HDAC5: variants seen among roughly 807,000 people sequenced by gnomAD.
HDAC5 encodes the protein antigen NY-CO-9.
Under a neutral mutation model 133.3 loss-of-function variants are expected in HDAC5, and 25 were observed. That is an observed-to-expected ratio of 0.19 (90% CI 0.14 to 0.26). The LOEUF is 0.26. Ranked by LOEUF, HDAC5 falls within the 10% of genes least tolerant of loss-of-function variation. The pLI is 1.00. For missense variants in HDAC5, 1,041 were observed against 1,460.5 expected, an observed-to-expected ratio of 0.71 and a Z score of 4.68; for synonymous variants, 589 against 610.8, an observed-to-expected ratio of 0.96 and a Z score of 0.53.
rs772351446 is a variant in HDAC5 at position 44,084,607 on chromosome 17, G to C, written c.2253C>G (p.Leu751=). ...QTVHSEYHTL[L]YGTSPLNRQK... The stretch of plus-strand genomic sequence containing the variant: ...GCCGGTTGAGGGGACTGGTCCCATA[G>C]AGCAGGGTGTGGTATTCAGAGTGCA... The change falls in exon 16 of 27, where the codon CTC becomes CTG. Residue 751 remains leucine, a synonymous_variant. Transcript: ENST00000682912. 3.7e-6 allele frequency: 6 copies of C among 1,614,186 alleles called. No individual in the cohort carries two copies. Among genetic ancestry groups the C allele is most frequent in the Non-Finnish European group, 5.1e-6 (6 of 1,180,028 alleles).
chr17:44,081,221 T>A (rs971868440), intron 20 of HDAC5, among the ~76,000 whole-genome samples: 2 of 152,030 alleles, frequency 1.3e-5, no homozygotes, highest in African/African-American at 4.8e-5. Context: ...TTAAGGCTAG[T>A]AGGGAATTTA....
At chr17:44,095,131 G>A (rs1487688826) in intron 3 of HDAC5, among the ~76,000 whole-genome samples, 1 of 152,042 alleles carries the variant, frequency 6.6e-6, no homozygotes, top group East Asian at 1.9e-4. Context: ...CAACATCTCT[G>A]GGCATTTTAC....
intron 3 of HDAC5, among the ~76,000 whole-genome samples, chr17:44,104,395 G>C (rs1338974180): frequency 1.3e-5 from 2 of 152,172 alleles, no homozygotes; most frequent in Non-Finnish European, 2.9e-5. Flanking sequence ...CAACTTCACA[G>C]ACCACCTGGA....
chr17:44,086,504 T>A, intron 14 of HDAC5, 68 bp downstream of exon 14: 1 of 1,227,888 alleles, frequency 8.1e-7, no homozygotes, highest in Non-Finnish European at 1.0e-6. Flanking sequence ...CCCCCTGCCA[T>A]GGGGCAGACA....
intron 3 of HDAC5, among the ~76,000 whole-genome samples, chr17:44,108,853 G>A (rs1485881136): frequency 6.6e-6 from 1 of 151,664 alleles, no homozygotes; most frequent in Non-Finnish European, 1.5e-5. Flanking sequence ...GAGCTGCGCA[G>A]GGGGAACATT....
intron 18 of HDAC5, 55 bp downstream of exon 18, chr17:44,083,490 C>A (rs764835517): frequency 1.3e-4 from 173 of 1,298,552 alleles, no homozygotes; most frequent in Non-Finnish European, 1.8e-4. Flanking sequence ...CTGTCCTCTG[C>A]CTCTGAGGAG....
chr17:44,093,930 C>T (rs1348964587), intron 3 of HDAC5, 96 bp from the exon 4 acceptor site: 1 of 1,392,822 alleles, frequency 7.2e-7, no homozygotes, highest in African/African-American at 1.5e-5. Flanking sequence ...TTCTAGGAGA[C>T]CCAAAGAGAA....
In HDAC5 at chr17:44,086,607, G is replaced by T; in HGVS notation, c.2015C>A (p.Pro672His). ...SPAAPGGMKS[P>H]PDQPVKHLFT... ...GAGGTGCTTGACGGGCTGGTCTGGG[G>T]GGCTCTTCATGCCCCCAGGGGCAGC... The change falls in exon 14 of 27, where the codon CCC becomes CAC. Residue 672 changes from proline to histidine, a missense_variant. Pro to His is a moderately conservative substitution (Grantham distance 77). Around this residue, in one of 9 missense-constraint regions of HDAC5, gnomAD observed 433 missense variants for 531.6 expected, o/e 0.81. Coordinates refer to ENST00000682912, the MANE Select transcript of HDAC5 (RefSeq NM_005474.5). 2.3e-6 allele frequency: 3 copies of T among 1,304,508 alleles called. No homozygotes were observed. Among genetic ancestry groups the T allele is most frequent in the Non-Finnish European group, 2.0e-6 (2 of 1,018,790 alleles). 80.8% of individuals were successfully genotyped at this position (1,304,508 alleles called of 1,614,324 possible).
Position 44,078,526 on chromosome 17 carries a change from AGCCTG to A in HDAC5, c.3298_3302del (p.Gln1100CysfsTer35). 6.2e-7 allele frequency: 1 copy of A among 1,611,212 alleles called. No individual in the cohort carries two copies. The highest frequency in any genetic ancestry group is 8.5e-7 in the Non-Finnish European group (1 of 1,178,966). Reference sequence around the variant, plus strand: ...TGGGGCTGTGTTCCCGGGCTGCCGCAGCCTGGGCCTGCTCGGCCCCCACCGACAGC... The same window carrying A: ...TGGGGCTGTGTTCCCGGGCTGCCGCAGGCCTGCTCGGCCCCCACCGACAGC... On this transcript the variant is annotated frameshift_variant, in exon 26 of 27. Transcript: ENST00000682912. LOFTEE classifies it high-confidence loss of function.
At chr17:44,088,710 C>T in intron 11 of HDAC5, 112 bp from the exon 12 acceptor site, 1 of 1,446,126 alleles carries the variant, frequency 6.9e-7, no homozygotes. Context: ...CACCTATATA[C>T]TCAGGAAAAA....
At position 44,080,808 on chromosome 17, in the gene HDAC5, G is replaced by C. The variant is rs1288708061; in HGVS notation, c.2682C>G (p.Arg894=). Residue 894 remains arginine (R), a synonymous_variant, in exon 21 of 27, where the codon CGC becomes CGG. Transcript: ENST00000682912. ...CTGGAAAGAAGTTCCCGTTGTCATA[G>C]CGATGCAGAGAGATGTAGAGCACAG... ...DPSVLYISLH[R]YDNGNFFPGS... is the part of the protein sequence containing the mutation. The C allele has an allele frequency of 6.2e-7, 1 of 1,614,102 alleles. No homozygotes were observed. The highest frequency in any genetic ancestry group is 1.3e-5 in the African/African-American group (1 of 74,930).
intron 3 of HDAC5, among the ~76,000 whole-genome samples, chr17:44,109,430 G>A (rs958485407): frequency 2.6e-5 from 4 of 152,114 alleles, no homozygotes; most frequent in African/African-American, 7.2e-5. Flanking sequence ...TTGTAGAGCC[G>A]GTTCCCAAGG....
intron 1 of HDAC5, 113 bp downstream of exon 1, chr17:44,123,391 G>T (rs985302126): frequency 5.9e-6 from 2 of 341,858 alleles, no homozygotes; most frequent in South Asian, 1.4e-4. Context: ...GGGGGGCGCG[G>T]AGCGCGGCGC....
Position 44,078,917 on chromosome 17 carries a change from T to C in HDAC5, c.3079-38A>G, listed in dbSNP as rs372356531. On this transcript the variant is annotated intron_variant, in intron 24 of 26. Transcript: ENST00000682912. ...AGAAGAGAAGGCTTAGGGTGGGGAGTAGGGTTGCCATGCATACCCCTCTAA... is the reference window on the plus strand; with the variant it reads ...AGAAGAGAAGGCTTAGGGTGGGGAGCAGGGTTGCCATGCATACCCCTCTAA... 670 of 1,605,156 alleles carry C rather than the reference T, an allele frequency of 4.2e-4. 1 individual carries two copies. The highest frequency in any genetic ancestry group is 4.2e-4 in the Non-Finnish European group (490 of 1,172,492).
At chr17:44,122,228 T>C (rs1191486311) in intron 1 of HDAC5, among the ~76,000 whole-genome samples, 1 of 151,994 alleles carries the variant, frequency 6.6e-6, no homozygotes, top group African/African-American at 2.4e-5. Flanking sequence ...CTGGGGAGAC[T>C]GAAGACCATG....
Position 44,110,746 on chromosome 17 carries a change from T to C in HDAC5, c.77A>G (p.His26Arg). The change falls in exon 3 of 27, where the codon CAC (histidine) becomes CGC (arginine). Residue 26 changes from histidine (H) to arginine (R), a missense_variant. By Grantham distance (29) the His-to-Arg change is conservative (BLOSUM62 0). Around this residue, in one of 9 missense-constraint regions of HDAC5, gnomAD observed 93 missense variants for 98.8 expected, o/e 0.94. Coordinates refer to ENST00000682912, the MANE Select transcript of HDAC5 (RefSeq NM_005474.5). ...GCACTTACCTGTCACAGGGATGCTG[T>C]GCAGAGAAGTCCGCGGCAGGATTTC... ...SLEILPRTSLHSIPVTVEVKP... is the reference protein window; with the variant it reads ...SLEILPRTSLRSIPVTVEVKP... The C allele has an allele frequency of 6.2e-7, 1 of 1,613,864 alleles. No homozygotes were observed. The highest frequency in any genetic ancestry group is 8.5e-7 in the Non-Finnish European group (1 of 1,179,870).
In HDAC5 at chr17:44,110,731, G is replaced by T; in HGVS notation, c.92C>A (p.Thr31Lys). The T allele has an allele frequency of 6.2e-7, 1 of 1,613,366 alleles. No homozygotes were observed. The highest frequency in any genetic ancestry group is 8.5e-7 in the Non-Finnish European group (1 of 1,179,544). The part of the protein sequence containing the change: ...PRTSLHSIPV[T>K]VEVKPVLPRA... Reference sequence around the variant, plus strand: ...GGCAGGGACATCAAGGCACTTACCTGTCACAGGGATGCTGTGCAGAGAAGT... The same window carrying T: ...GGCAGGGACATCAAGGCACTTACCTTTCACAGGGATGCTGTGCAGAGAAGT... Residue 31 changes from threonine (T) to lysine (K), a missense_variant and splice_region_variant, in exon 3 of 27, where the codon ACA becomes AAA. By Grantham distance (78) the Thr-to-Lys change is moderately conservative. This residue lies in a region of HDAC5 where 93 missense variants were observed against 98.8 expected (regional missense o/e 0.94). Coordinates refer to ENST00000682912, the MANE Select transcript of HDAC5 (RefSeq NM_005474.5).
At chr17:44,121,795 A>G (rs2053022002) in intron 1 of HDAC5, among the ~76,000 whole-genome samples, 1 of 152,072 alleles carries the variant, frequency 6.6e-6, no homozygotes, top group African/African-American at 2.4e-5. Context: ...CCAAAGTAGG[A>G]GGATATATTG....
chr17:44,111,885 GAAA>G (rs2052369346), intron 2 of HDAC5, among the ~76,000 whole-genome samples: 4 of 152,130 alleles, frequency 2.6e-5, no homozygotes. Context: ...CCCAATCCAG[GAAA>G]AGGGACCAGG....
Sources: allele counts gnomAD v4.1 joint callset (sites outside exome capture counted in the v4.1 genomes callset), GRCh38; gene constraint gnomAD v4.1.1; regional missense constraint gnomAD v4.1.1; transcripts MANE v1.5; gene names NCBI Gene and HGNC (gene_info 2026-07-23, HGNC 2026-07-21).